ATP8B4: variants seen among roughly 807,000 people sequenced by gnomAD.
The protein encoded by ATP8B4 is probable phospholipid-transporting ATPase IM.
A neutral mutation model predicts 145.6 loss-of-function variants in ATP8B4; 133 were observed. That is an observed-to-expected ratio of 0.91 (90% CI 0.79 to 1.05). The LOEUF is 1.05. ATP8B4 is among the 50% of genes least tolerant of loss of function. ATP8B4 has a pLI of 0.00. For synonymous variants in ATP8B4, 507 were observed against 492.9 expected (o/e 1.03, Z -0.38); for missense variants, 1,458 against 1,425.2 (o/e 1.02, Z -0.37).
intron 23 of ATP8B4, among the ~76,000 whole-genome samples, chr15:49,893,907 G>A (rs184213883): frequency 2.4e-3 from 364 of 152,270 alleles, no homozygotes; most frequent in Non-Finnish European, 3.7e-3. Flanking sequence ...CTGAAACATA[G>A]TAAGTACTAT....
At chr15:50,093,082 A>G (rs1347105965) in intron 2 of ATP8B4, among the ~76,000 whole-genome samples, 1 of 152,090 alleles carries the variant, frequency 6.6e-6, no homozygotes, top group African/African-American at 2.4e-5. Flanking sequence ...AAGAGTATCA[A>G]TATAGAATTC....
chr15:50,015,516 T>C (rs1292118582), intron 6 of ATP8B4, among the ~76,000 whole-genome samples: 1 of 152,164 alleles, frequency 6.6e-6, no homozygotes, highest in Non-Finnish European at 1.5e-5. Flanking sequence ...CCAGAGTAAT[T>C]ATGTATTACC....
At chr15:50,088,138 A>G (rs1178866242) in intron 2 of ATP8B4, among the ~76,000 whole-genome samples, 2 of 152,178 alleles carry the variant, frequency 1.3e-5, no homozygotes, top group African/African-American at 4.8e-5. Context: ...CTGTAATCCC[A>G]GCACTTTAGG....
intron 12 of ATP8B4, among the ~76,000 whole-genome samples, chr15:49,975,063 A>G (rs1275388730): frequency 1.3e-5 from 2 of 152,158 alleles, no homozygotes; most frequent in East Asian, 3.8e-4. Flanking sequence ...GATAGAATCA[A>G]TGTATCCATC....
At chr15:50,141,923 C>A (rs2044217925) in intron 1 of ATP8B4, among the ~76,000 whole-genome samples, 1 of 152,132 alleles carries the variant, frequency 6.6e-6, no homozygotes, top group Non-Finnish European at 1.5e-5. Context: ...TTGCGGTAAG[C>A]CAGAGGAGGG....
chr15:49,905,013 A>G (rs2038446005), intron 20 of ATP8B4, among the ~76,000 whole-genome samples: 1 of 152,242 alleles, frequency 6.6e-6, no homozygotes, highest in Non-Finnish European at 1.5e-5. Flanking sequence ...TTTCAGCAGA[A>G]GACATATGAA....
chr15:50,013,386 G>C (rs964684408), intron 6 of ATP8B4, among the ~76,000 whole-genome samples: 11 of 152,074 alleles, frequency 7.2e-5, no homozygotes, highest in African/African-American at 2.2e-4. Flanking sequence ...TTCAAACTTT[G>C]CTTTTGCCAT....
chr15:50,119,321 T>A (rs970070091), upstream of ATP8B4: 3 of 152,262 alleles, frequency 2.0e-5, no homozygotes, highest in Non-Finnish European at 4.4e-5. Context: ...AAAACACTCT[T>A]GACCACTTAC....
At chr15:49,865,900 G>C (rs2032711544) in intron 26 of ATP8B4, among the ~76,000 whole-genome samples, 1 of 152,146 alleles carries the variant, frequency 6.6e-6, no homozygotes, top group South Asian at 2.1e-4. Context: ...TTTTTAGAAG[G>C]CTCTAAATTA....
At chr15:50,157,625 A>ATT (rs752008364) in intron 1 of ATP8B4, among the ~76,000 whole-genome samples, 24 of 151,422 alleles carry the variant, frequency 1.6e-4, no homozygotes, top group Admixed American at 8.6e-4. Context: ...AAATTTTAGG[A>ATT]TTTTTTTTTC....
chr15:50,170,496 C>A (rs941541038), intron 1 of ATP8B4, among the ~76,000 whole-genome samples: 1 of 11,544 alleles, frequency 8.7e-5, no homozygotes, highest in Non-Finnish European at 2.9e-4. Flanking sequence ...CATTACCAAA[C>A]CCCCCCCACC....
upstream of ATP8B4, among the ~76,000 whole-genome samples, chr15:50,121,703 A>C (rs2057272333): frequency 6.6e-6 from 1 of 152,136 alleles, no homozygotes; most frequent in African/African-American, 2.4e-5. Context: ...AAAGGTAGCT[A>C]AACAGAGCTT....
rs560209251 is a variant in ATP8B4, at chr15:49,876,189, C to T, written c.3027+89G>A. ...CCCCAGTATTCCTTTAGGATTATTT[C>T]CCCCCAACAAGTAGACAAAATCAAT... On this transcript the variant is annotated intron_variant, in intron 25 of 27. Coordinates refer to ENST00000284509, the MANE Select transcript of ATP8B4 (RefSeq NM_024837.4). 4.4e-5 allele frequency: 66 copies of T among 1,496,158 alleles called. No homozygotes were observed. The East Asian group carries it at 4.6e-4, about 10-fold the overall frequency. The allele number at this position is 1,496,158 out of a possible 1,614,324, so 92.7% of individuals were successfully genotyped here.
At chr15:49,950,513 T>C (rs1361848209) in intron 14 of ATP8B4, among the ~76,000 whole-genome samples, 1 of 151,460 alleles carries the variant, frequency 6.6e-6, no homozygotes, top group African/African-American at 2.4e-5. Flanking sequence ...ATATTCCCTT[T>C]ATCATTTTTT....
chr15:49,889,114 A>T (rs1474313199), intron 23 of ATP8B4, among the ~76,000 whole-genome samples: 8 of 152,142 alleles, frequency 5.3e-5, no homozygotes, highest in African/African-American at 1.7e-4. Context: ...GTATTTTTAA[A>T]AAAAAAAAGG....
chr15:49,984,638 T>C (rs2046430090), intron 10 of ATP8B4, among the ~76,000 whole-genome samples: 1 of 152,034 alleles, frequency 6.6e-6, no homozygotes, highest in Non-Finnish European at 1.5e-5. Flanking sequence ...GAGGAGTAAA[T>C]ACCTTGATCG....
At chr15:50,155,344 GTTATATGTTTATAGC>G (rs1024648229) in intron 1 of ATP8B4, among the ~76,000 whole-genome samples, 4 of 152,014 alleles carry the variant, frequency 2.6e-5, no homozygotes, top group Non-Finnish European at 5.9e-5. Context: ...AAACTATAAA[GTTATATGTTTATAGC>G]TTATATGTTT....
At chr15:50,075,227 G>A (rs1050002999) in intron 2 of ATP8B4, among the ~76,000 whole-genome samples, 2 of 152,000 alleles carry the variant, frequency 1.3e-5, no homozygotes, top group African/African-American at 2.4e-5. Context: ...CAAAAGAAAA[G>A]TGAAAAGAAG....
intron 23 of ATP8B4, among the ~76,000 whole-genome samples, chr15:49,887,343 T>G (rs558191941): frequency 2.0e-5 from 3 of 152,006 alleles, no homozygotes; most frequent in African/African-American, 7.2e-5. Context: ...CTACCACCTC[T>G]TCTTCCCTCC....
Sources: gnomAD v4.1 joint callset for allele counts (sites outside exome capture counted in the v4.1 genomes callset) on GRCh38, gnomAD v4.1.1 for gene constraint, MANE v1.5 for transcripts, NCBI Gene and HGNC (gene_info 2026-07-23, HGNC 2026-07-21) for gene names.